Variants in COL13A1 observed in about 807,000 individuals in gnomAD.
COL13A1 encodes collagen type XIII alpha 1 chain.
In COL13A1, 89 loss-of-function variants were observed where a neutral mutation model predicts 130.9. The ratio of observed to expected loss-of-function variants is 0.68; its 90% CI spans 0.57 to 0.81. The LOEUF (loss-of-function observed/expected upper bound fraction) is 0.81, where lower values mean the gene tolerates loss of function less well. Among genes scored for constraint, COL13A1 ranks in the 30% least tolerant of loss-of-function variants. The pLI, the probability that COL13A1 is intolerant of heterozygous loss-of-function variation, is 0.00. For missense variants in COL13A1, 879 were observed against 934.6 expected, an observed-to-expected ratio of 0.94 and a Z score of 0.78; for synonymous variants, 402 against 341.6, an observed-to-expected ratio of 1.18 and a Z score of -1.95.
chr10:69,834,651 C>T (rs769951090), intron 2 of COL13A1, among the ~76,000 whole-genome samples: 3 of 152,180 alleles, frequency 2.0e-5, no homozygotes, highest in Non-Finnish European at 2.9e-5. Context: ...CTGAGGTCCA[C>T]GGATAAGGGA....
At chr10:69,877,687 TCTCTCTCTCTCTCACA>T in intron 5 of COL13A1, 1 of 113,512 alleles carries the variant, frequency 8.8e-6, no homozygotes, top group South Asian at 3.0e-4. Flanking sequence ...TCTCTCTCTC[TCTCTCTCTCTCTCACA>T]CACACACACA....
At chr10:69,911,806 C>G (rs2894280) in intron 17 of COL13A1, among the ~76,000 whole-genome samples, 1 of 152,348 alleles carries the variant, frequency 6.6e-6, no homozygotes, top group East Asian at 1.9e-4. Flanking sequence ...TGACTCCATC[C>G]AAATAAGTCC....
chr10:69,877,693 TCTCTCTCACACACACACA>T (rs2059719545), intron 5 of COL13A1: 5 of 118,532 alleles, frequency 4.2e-5, no homozygotes, highest in South Asian at 5.6e-4. Flanking sequence ...TCTCTCTCTC[TCTCTCTCACACACACACA>T]CACACACACA....
chr10:69,930,356 T>C, intron 29 of COL13A1, 44 bp from the exon 30 acceptor site: 1 of 1,549,080 alleles, frequency 6.5e-7, no homozygotes, highest in Non-Finnish European at 8.7e-7. Context: ...TCTCCTCTTT[T>C]CTCCATTAAT....
intron 2 of COL13A1, among the ~76,000 whole-genome samples, chr10:69,841,895 C>A (rs1015211620): frequency 6.6e-6 from 1 of 152,128 alleles, no homozygotes; most frequent in African/African-American, 2.4e-5. Context: ...GGGACAGAGA[C>A]TGGTATGAGA....
intron 1 of COL13A1, among the ~76,000 whole-genome samples, chr10:69,816,231 T>G (rs1844471016): frequency 6.9e-6 from 1 of 145,216 alleles, no homozygotes; most frequent in African/African-American, 2.6e-5. Context: ...CTCGGATGCG[T>G]CTGGCAGGTA....
intron 17 of COL13A1, among the ~76,000 whole-genome samples, chr10:69,912,247 A>G (rs1422969492): frequency 6.6e-6 from 1 of 152,130 alleles, no homozygotes; most frequent in Non-Finnish European, 1.5e-5. Flanking sequence ...TCAAATTGAG[A>G]TTATAAGCCA....
chr10:69,883,613 G>A (rs2060343490), intron 7 of COL13A1, among the ~76,000 whole-genome samples: 1 of 152,212 alleles, frequency 6.6e-6, no homozygotes, highest in Non-Finnish European at 1.5e-5. Context: ...TGGTTAGAGA[G>A]CTGTGGGACA....
intron 2 of COL13A1, among the ~76,000 whole-genome samples, chr10:69,841,423 C>A (rs1851571641): frequency 6.6e-6 from 1 of 152,210 alleles, no homozygotes; most frequent in African/African-American, 2.4e-5. Context: ...GTCTTCCCAG[C>A]ACCTGGCACG....
At chr10:69,858,608 T>C (rs1026742641) in intron 2 of COL13A1, among the ~76,000 whole-genome samples, 1 of 152,218 alleles carries the variant, frequency 6.6e-6, no homozygotes, top group African/African-American at 2.4e-5. Context: ...AGTGTCTGGA[T>C]GGAGTTCGTG....
intron 27 of COL13A1, among the ~76,000 whole-genome samples, chr10:69,928,376 C>T (rs1207126535): frequency 6.6e-6 from 1 of 152,138 alleles, no homozygotes; most frequent in Non-Finnish European, 1.5e-5. Flanking sequence ...CCCAGGCCAC[C>T]ACTGCTCTGC....
chr10:69,931,077 C>T, intron 30 of COL13A1: 1 of 429,972 alleles, frequency 2.3e-6, no homozygotes, highest in East Asian at 7.2e-5. Flanking sequence ...AGCAAGGGAG[C>T]CACATCCTGT....
At chr10:69,877,656 T>TTC (rs137880508) in intron 5 of COL13A1, 62 of 150,698 alleles carry the variant, frequency 4.1e-4, no homozygotes, top group East Asian at 1.6e-3. Flanking sequence ...TTGTCTGGCT[T>TTC]TCTCTCTCTC....
At chr10:69,910,207 C>T (rs1171345933) in intron 17 of COL13A1, among the ~76,000 whole-genome samples, 3 of 151,896 alleles carry the variant, frequency 2.0e-5, no homozygotes, top group Admixed American at 1.3e-4. Context: ...GTAAGGCCTA[C>T]GGAGGAGGCA....
At chr10:69,854,320 C>G (rs76654147) in intron 2 of COL13A1, among the ~76,000 whole-genome samples, 4 of 152,346 alleles carry the variant, frequency 2.6e-5, no homozygotes, top group African/African-American at 9.6e-5. Flanking sequence ...AATCCCAGCA[C>G]TCTGGGAGAT....
intron 3 of COL13A1, among the ~76,000 whole-genome samples, chr10:69,871,407 T>C (rs1267926357): frequency 2.0e-5 from 3 of 152,194 alleles, no homozygotes; most frequent in Non-Finnish European, 2.9e-5. Context: ...TTTAGTGCTA[T>C]GGGGCAAAAC....
chr10:69,895,167 G>A (rs1256744463), intron 12 of COL13A1, among the ~76,000 whole-genome samples: 1 of 152,206 alleles, frequency 6.6e-6, no homozygotes, highest in Non-Finnish European at 1.5e-5. Context: ...AGGTGGCTTG[G>A]GACCCCCATG....
chr10:69,948,648 CAT>C (rs1457181343), intron 38 of COL13A1, among the ~76,000 whole-genome samples: 1 of 152,224 alleles, frequency 6.6e-6, no homozygotes, highest in Non-Finnish European at 1.5e-5. Flanking sequence ...GTCTTTCTGA[CAT>C]GTTCTAGTTT....
At chr10:69,926,645 C>T (rs778010179) in intron 26 of COL13A1, among the ~76,000 whole-genome samples, 1 of 152,074 alleles carries the variant, frequency 6.6e-6, no homozygotes, top group Non-Finnish European at 1.5e-5. Flanking sequence ...TGAGTGGTTC[C>T]ATATTTTGCT....
Sources: allele counts gnomAD v4.1 joint callset (sites outside exome capture counted in the v4.1 genomes callset), GRCh38; gene constraint gnomAD v4.1.1; transcripts MANE v1.5; gene names NCBI Gene and HGNC (gene_info 2026-07-23, HGNC 2026-07-21).